The following KCNQ1 variants were observed in gnomAD, a reference collection of about 807,000 sequenced individuals.
KCNQ1 encodes potassium voltage-gated channel subfamily Q member 1, also known as potassium voltage-gated channel subfamily KQT member 1.
KCNQ1 carries 49 observed loss-of-function variants against 72.4 expected under a neutral mutation model. That is an observed-to-expected ratio of 0.68 (90% CI 0.54 to 0.86). The LOEUF (loss-of-function observed/expected upper bound fraction) is 0.86. Ranked by LOEUF, KCNQ1 falls within the 40% of genes least tolerant of loss-of-function variation. The pLI is 0.00. For synonymous variants in KCNQ1, 450 were observed against 412.6 expected, an observed-to-expected ratio of 1.09 and a Z score of -1.10; for missense variants, 790 against 945.1, an observed-to-expected ratio of 0.84 and a Z score of 2.15.
intron 7 of KCNQ1, among the ~76,000 whole-genome samples, chr11:2,584,027 T>C (rs1481982561): frequency 1.3e-5 from 2 of 152,084 alleles, no homozygotes; most frequent in East Asian, 3.8e-4. Context: ...ATAATATGTG[T>C]TTGTGTTGTG....
chr11:2,792,952 G>GC (rs1366311926), intron 15 of KCNQ1, among the ~76,000 whole-genome samples: 1 of 61,370 alleles, frequency 1.6e-5, no homozygotes, highest in Non-Finnish European at 3.0e-5. Context: ...TCTCTTCCCC[G>GC]CCCCCCGGGA....
chr11:2,637,121 C>G (rs1849484439), intron 10 of KCNQ1: 1 of 151,858 alleles, frequency 6.6e-6, no homozygotes, highest in African/African-American at 2.4e-5. Flanking sequence ...TTGATCTTTT[C>G]AAAAAAACCA....
In KCNQ1 at chr11:2,720,936, T is replaced by TTCCTCA. The variant is rs1396278987; in HGVS notation, c.1515-47904_1515-47899dup. Among the ~76,000 whole-genome samples, 1 of 152,134 alleles carries TTCCTCA rather than the reference T, an allele frequency of 6.6e-6. No individual in the cohort carries two copies. Among genetic ancestry groups the TTCCTCA allele is most frequent in the East Asian group, 1.9e-4 (1 of 5,176 alleles). ...AGGGAGATGAGGTTGTTCCCAGGGT[T>TTCCTCA]TCCTCATCCCAGGGGCTCTCAGATT... On this transcript the variant is annotated intron_variant, in intron 11 of 15. Coordinates refer to ENST00000155840, the MANE Select transcript of KCNQ1 (RefSeq NM_000218.3). The surrounding 1 kb of genome is among the most constrained non-coding windows in gnomAD (Gnocchi z 5.1).
chr11:2,557,003 T>C (rs1848082176), intron 2 of KCNQ1, among the ~76,000 whole-genome samples: 2 of 152,256 alleles, frequency 1.3e-5, no homozygotes, highest in African/African-American at 4.8e-5. Context: ...TGAATTCCTC[T>C]TTGAAAGACA....
chr11:2,688,721 G>A (rs1850535267), intron 11 of KCNQ1: 3 of 399,002 alleles, frequency 7.5e-6, no homozygotes, highest in Non-Finnish European at 1.3e-5. Context: ...TACAAATTGG[G>A]TGGCCCGGCT....
chr11:2,627,957 T>C lies in KCNQ1; in HGVS notation c.1394-34004T>C. On this transcript the variant is annotated intron_variant, in intron 10 of 15. Coordinates refer to ENST00000155840, the MANE Select transcript of KCNQ1 (RefSeq NM_000218.3). The surrounding 1 kb of genome is among the most constrained non-coding windows in gnomAD (Gnocchi z 4.9). ...TGTAGAGATAGGGTATCACTATGTT[T>C]CCTAGGCTGGTCTCAAACTCCTGTG... is the stretch of plus-strand genomic sequence containing the variant. 1 of 398,516 alleles carries C rather than the reference T, an allele frequency of 2.5e-6. No homozygotes were observed. The highest frequency in any genetic ancestry group is 4.4e-6 in the Non-Finnish European group (1 of 226,036). The allele number at this position is 398,516 out of a possible 1,614,324, so 24.7% of individuals were successfully genotyped here.
rs531016515 is a variant in KCNQ1, at chr11:2,647,990, G to A, written c.1394-13971G>A. On this transcript the variant is annotated intron_variant, in intron 10 of 15. Transcript: ENST00000155840. The surrounding 1 kb of genome is among the most constrained non-coding windows in gnomAD (Gnocchi z 4.0). Reference sequence around the variant, plus strand: ...GTACTTTGGAAGGCCAAGGCAGGCCGATCGCTTGAGTCCAGGAGTTTGAGA... The same window carrying A: ...GTACTTTGGAAGGCCAAGGCAGGCCAATCGCTTGAGTCCAGGAGTTTGAGA... 374 of 396,910 alleles carry A rather than the reference G, an allele frequency of 9.4e-4. 2 individuals carry two copies. The highest frequency in any genetic ancestry group is 5.3e-3 in the African/African-American group (254 of 48,244). 24.6% of individuals were successfully genotyped at this position (396,910 alleles called of 1,614,324 possible). A position where few individuals can be genotyped will look rare whatever the true frequency, so the allele number is the denominator to read the frequency against.
chr11:2,457,138 C>T lies in KCNQ1; in HGVS notation c.386+11654C>T, dbSNP rs553695156. Among the ~76,000 whole-genome samples the T allele has an allele frequency of 8.5e-5, 13 of 152,128 alleles. No individual in the cohort carries two copies. Among genetic ancestry groups the T allele is most frequent in the Admixed American group, 2.6e-4 (4 of 15,262 alleles). ...TCAGAATGGCCTTTGTTTAAAAAGT[C>T]TCAAAACAACAGATGCTGGAGAGGC... On this transcript the variant is annotated intron_variant, in intron 1 of 15. Transcript: ENST00000155840. The surrounding 1 kb of genome is among the most constrained non-coding windows in gnomAD (Gnocchi z 5.0).
At chr11:2,793,677 TGGAGGGACCAGAAGTCACAA>T (rs1330866082) in intron 15 of KCNQ1, among the ~76,000 whole-genome samples, 1 of 151,982 alleles carries the variant, frequency 6.6e-6, no homozygotes, top group Non-Finnish European at 1.5e-5. Flanking sequence ...TCTGGAGGGA[TGGAGGGACCAGAAGTCACAA>T]GGAGCAGAAA....
rs1219478745 is a variant in KCNQ1 at position 2,815,024 on chromosome 11, A to G, written c.1795-32743A>G. 6.6e-6 allele frequency among the ~76,000 whole-genome samples: 1 copy of G among 152,230 alleles called. No homozygotes were observed. The highest frequency in any genetic ancestry group is 1.5e-5 in the Non-Finnish European group (1 of 68,042). Reference sequence around the variant, plus strand: ...ACACAGCTTTCCTCATCCCGGCCTCATGCACTGTGGGCAGGAGTTGTCCTA... The same window carrying G: ...ACACAGCTTTCCTCATCCCGGCCTCGTGCACTGTGGGCAGGAGTTGTCCTA... On this transcript the variant is annotated intron_variant, in intron 15 of 15. Transcript: ENST00000155840. This position sits in a 1 kb window ranked among gnomAD's most constrained non-coding sequence, Gnocchi z 5.4.
At chr11:2,667,757 G>A in intron 11 of KCNQ1, 1 of 398,738 alleles carries the variant, frequency 2.5e-6, no homozygotes, top group East Asian at 3.6e-5. Flanking sequence ...GCTGGGCCTA[G>A]CGGCCCTGAA....
rs1850163030 is a variant in KCNQ1, at chr11:2,670,467, G to A, written c.1514+8386G>A. 2.5e-6 allele frequency: 1 copy of A among 397,462 alleles called. No homozygotes were observed. The highest frequency in any genetic ancestry group is 3.6e-5 in the East Asian group (1 of 28,058). 24.6% of individuals were successfully genotyped at this position (397,462 alleles called of 1,614,324 possible). On this transcript the variant is annotated intron_variant, in intron 11 of 15. Coordinates refer to ENST00000155840, the MANE Select transcript of KCNQ1 (RefSeq NM_000218.3). This position sits in a 1 kb window ranked among gnomAD's most constrained non-coding sequence, Gnocchi z 4.9. ...GCTGAGACACACAGCCCACATCCTTGGTAGGTCCCTCAGAGAGCATCTAGT... is the reference window on the plus strand; with the variant it reads ...GCTGAGACACACAGCCCACATCCTTAGTAGGTCCCTCAGAGAGCATCTAGT...
At chr11:2,629,874 A>G in intron 10 of KCNQ1, 1 of 398,334 alleles carries the variant, frequency 2.5e-6, no homozygotes, top group Non-Finnish European at 4.4e-6. Context: ...GCAAACAGAG[A>G]CAATTTTACT....
chr11:2,809,391 C>A lies in KCNQ1; in HGVS notation c.1794+31354C>A, dbSNP rs1318656268. 6.6e-6 allele frequency among the ~76,000 whole-genome samples: 1 copy of A among 152,152 alleles called. No homozygotes were observed. On this transcript the variant is annotated intron_variant, in intron 15 of 15. Coordinates refer to ENST00000155840, the MANE Select transcript of KCNQ1 (RefSeq NM_000218.3). The surrounding 1 kb of genome is among the most constrained non-coding windows in gnomAD (Gnocchi z 7.1). Reference sequence around the variant, plus strand: ...TGTGGTAGCCAGCGACGCTGCAACCCCGCCCCCGCAGCCTCCTGGTGCAGC... The same window carrying A: ...TGTGGTAGCCAGCGACGCTGCAACCACGCCCCCGCAGCCTCCTGGTGCAGC...
chr11:2,504,775 AG>A, intron 1 of KCNQ1, among the ~76,000 whole-genome samples: 1 of 152,268 alleles, frequency 6.6e-6, no homozygotes, highest in East Asian at 1.9e-4. Context: ...AGACGAAAAG[AG>A]TATAATGAGG....
rs1850025895 is a variant in KCNQ1, at chr11:2,664,425, G to A, written c.1514+2344G>A. ...GAGAGTGGGCACGTACAGTGTCAGG[G>A]CCTAGGAACCCAGGCTCCTCTGGGA... On this transcript the variant is annotated intron_variant, in intron 11 of 15. Coordinates refer to ENST00000155840, the MANE Select transcript of KCNQ1 (RefSeq NM_000218.3). The surrounding 1 kb of genome is among the most constrained non-coding windows in gnomAD (Gnocchi z 5.1). 2 of 398,524 alleles carry A rather than the reference G, an allele frequency of 5.0e-6. No homozygotes were observed. The highest frequency in any genetic ancestry group is 4.4e-5 in the Admixed American group (1 of 22,718). The allele number at this position is 398,524 out of a possible 1,614,324, so 24.7% of individuals were successfully genotyped here.
In KCNQ1 at chr11:2,471,822, A is replaced by G. The variant is rs1313201616; in HGVS notation, c.386+26338A>G. Among the ~76,000 whole-genome samples the G allele has an allele frequency of 6.7e-6, 1 of 149,244 alleles. No individual in the cohort carries two copies. The highest frequency in any genetic ancestry group is 1.5e-5 in the Non-Finnish European group (1 of 67,262). Reference sequence around the variant, plus strand: ...TGTATATAGGTGTGTGTGCACGTGTATGGGTGCGTGTGCACCTATGTGTGT... The same window carrying G: ...TGTATATAGGTGTGTGTGCACGTGTGTGGGTGCGTGTGCACCTATGTGTGT... On this transcript the variant is annotated intron_variant, in intron 1 of 15. Coordinates refer to ENST00000155840, the MANE Select transcript of KCNQ1 (RefSeq NM_000218.3). This position sits in a 1 kb window ranked among gnomAD's most constrained non-coding sequence, Gnocchi z 4.8.
intron 11 of KCNQ1, among the ~76,000 whole-genome samples, chr11:2,736,696 G>A (rs1845962952): frequency 1.3e-5 from 2 of 152,338 alleles, no homozygotes; most frequent in Non-Finnish European, 2.9e-5. Flanking sequence ...CACTGACATA[G>A]GTGTGGCCCA....
chr11:2,481,909 A>G lies in KCNQ1; in HGVS notation c.386+36425A>G, dbSNP rs1378244412. ...AATAATAGTAGAAATAAAGTGCCCA[A>G]TGCAAGTAATGTGCTTGAATCATCC... On this transcript the variant is annotated intron_variant, in intron 1 of 15. Transcript: ENST00000155840. This position sits in a 1 kb window ranked among gnomAD's most constrained non-coding sequence, Gnocchi z 4.6. 4.6e-5 allele frequency among the ~76,000 whole-genome samples: 7 copies of G among 152,232 alleles called. No homozygotes were observed. Among genetic ancestry groups the G allele is most frequent in the Non-Finnish European group, 5.9e-5 (4 of 68,042 alleles).
Sources: allele counts gnomAD v4.1 joint callset (sites outside exome capture counted in the v4.1 genomes callset), GRCh38; gene constraint gnomAD v4.1.1; non-coding constraint Gnocchi (gnomAD v3.1); transcripts MANE v1.5; gene names NCBI Gene and HGNC (gene_info 2026-07-23, HGNC 2026-07-21).